CACNA1E: variants seen among roughly 807,000 people sequenced by gnomAD.
CACNA1E encodes calcium voltage-gated channel subunit alpha1 E.
Under a neutral mutation model 259.2 loss-of-function variants are expected in CACNA1E, and 40 were observed. The ratio of observed to expected loss-of-function variants is 0.15; its 90% CI spans 0.12 to 0.20. The LOEUF (loss-of-function observed/expected upper bound fraction) is 0.20, where lower values mean the gene tolerates loss of function less well. Among genes scored for constraint, CACNA1E ranks in the 10% least tolerant of loss-of-function variants. CACNA1E has a pLI of 1.00. For synonymous variants in CACNA1E, 1,104 were observed against 1,138.5 expected (o/e 0.97, Z 0.61); for missense variants, 1,874 against 3,040.1 (o/e 0.62, Z 9.02).
intron 6 of CACNA1E, 45 bp from the exon 7 acceptor site, chr1:181,651,293 G>T: frequency 8.0e-7 from 1 of 1,244,688 alleles, no homozygotes; most frequent in Non-Finnish European, 1.2e-6. Context: ...CTTTACTTAT[G>T]GAAGATGGCT....
In CACNA1E at chr1:181,718,045, A is replaced by C; in HGVS notation, c.1526-10A>C. ...ATGTGGAACCAATGCTCTACTTTTA[A>C]TACTTCCAGACTATGCAGAATTTCT... On this transcript the variant is annotated splice_polypyrimidine_tract_variant and intron_variant, in intron 11 of 47. Coordinates refer to ENST00000367573, the MANE Select transcript of CACNA1E (RefSeq NM_001205293.3). The C allele has an allele frequency of 7.1e-7, 1 of 1,405,138 alleles. No homozygotes were observed. The highest frequency in any genetic ancestry group is 1.2e-5 in the South Asian group (1 of 85,562). The allele number at this position is 1,405,138 out of a possible 1,614,324, so 87.0% of individuals were successfully genotyped here. A position where few individuals can be genotyped will look rare whatever the true frequency, so the allele number is the denominator to read the frequency against.
intron 3 of CACNA1E, among the ~76,000 whole-genome samples, chr1:181,565,202 T>C (rs1049781240): frequency 1.3e-5 from 2 of 152,202 alleles, no homozygotes; most frequent in Admixed American, 1.3e-4. Context: ...CTATATGGAA[T>C]AGGCAAGTGG....
chr1:181,759,162 G>A (rs991273158), intron 32 of CACNA1E, among the ~76,000 whole-genome samples: 1 of 152,212 alleles, frequency 6.6e-6, no homozygotes, highest in African/African-American at 2.4e-5. Context: ...GATGAAGGAG[G>A]AAGCCAAAGA....
chr1:181,773,847 G>T (rs981776164), intron 37 of CACNA1E, among the ~76,000 whole-genome samples: 1 of 152,198 alleles, frequency 6.6e-6, no homozygotes, highest in Non-Finnish European at 1.5e-5. Context: ...GGACCTTAAA[G>T]GTACTTTTGG....
In CACNA1E at chr1:181,781,308, G is replaced by A. The variant is rs1372130607; in HGVS notation, c.5268-119G>A. 3 of 640,298 alleles carry A rather than the reference G, an allele frequency of 4.7e-6. No individual in the cohort carries two copies. In the East Asian group the frequency reaches 8.3e-5, roughly 18 times the overall value. 39.7% of individuals were successfully genotyped at this position (640,298 alleles called of 1,614,324 possible). A position where few individuals can be genotyped will look rare whatever the true frequency, so the allele number is the denominator to read the frequency against. On this transcript the variant is annotated intron_variant, in intron 38 of 47. Transcript: ENST00000367573. ...TATTTTGTTCGTTTTTGCTCTCTGG[G>A]AATGCCTATTCTCCTCTCCTATCTG...
In CACNA1E at chr1:181,752,136, C is replaced by G. The variant is rs1190423000; in HGVS notation, c.3732-7C>G. 10 of 1,606,334 alleles carry G rather than the reference C, an allele frequency of 6.2e-6. No homozygotes were observed. Among genetic ancestry groups the G allele is most frequent in the Non-Finnish European group, 6.0e-6 (7 of 1,172,868 alleles). On this transcript the variant is annotated splice_region_variant and splice_polypyrimidine_tract_variant and intron_variant, in intron 26 of 47. Transcript: ENST00000367573. Reference sequence around the variant, plus strand: ...CATATGATTCCCTGGGGGCCTCTCCCCTGCAGAACCAACAAAGGACGGGAC... The same window carrying G: ...CATATGATTCCCTGGGGGCCTCTCCGCTGCAGAACCAACAAAGGACGGGAC...
rs746390981 is a variant in CACNA1E, at chr1:181,756,910, G to A, written c.4128-15G>A. On this transcript the variant is annotated splice_polypyrimidine_tract_variant and intron_variant, in intron 29 of 47. Transcript: ENST00000367573. Reference sequence around the variant, plus strand: ...TGTCATCCACCATCTGTGCCCTCTTGTTCTGTCCCCATAGAGTTCTGCAGC... The same window carrying A: ...TGTCATCCACCATCTGTGCCCTCTTATTCTGTCCCCATAGAGTTCTGCAGC... The A allele has an allele frequency of 2.5e-6, 4 of 1,590,700 alleles. No individual in the cohort carries two copies. Among genetic ancestry groups the A allele is most frequent in the Non-Finnish European group, 2.6e-6 (3 of 1,158,742 alleles).
At chr1:181,580,549 C>A (rs371506338) in intron 5 of CACNA1E, 46 bp from the exon 6 acceptor site, 69 of 1,575,718 alleles carry the variant, frequency 4.4e-5, no homozygotes, top group Non-Finnish European at 5.4e-5. Flanking sequence ...CCAGCTCATG[C>A]GAAACACCAT....
At chr1:181,753,138 A>AAGTAT (rs201969128) in intron 27 of CACNA1E, among the ~76,000 whole-genome samples, 16,623 of 152,208 alleles carry the variant, frequency 0.11, 956 homozygotes, top group Middle Eastern at 0.16. Flanking sequence ...GTCAAGCCCC[A>AAGTAT]TCTTCAGGGG....
chr1:181,637,851 G>T (rs1481548980), intron 6 of CACNA1E, among the ~76,000 whole-genome samples: 1 of 152,140 alleles, frequency 6.6e-6, no homozygotes, highest in Non-Finnish European at 1.5e-5. Context: ...GGTGGAAAAG[G>T]TAGGAAAGGC....
chr1:181,333,348 C>T (rs1651430618), intron 1 of CACNA1E, among the ~76,000 whole-genome samples: 1 of 152,188 alleles, frequency 6.6e-6, no homozygotes, highest in Admixed American at 6.5e-5. Flanking sequence ...CCTCCAAGCC[C>T]ACACCCATTA....
Position 181,717,093 on chromosome 1 carries a change from G to A in CACNA1E, c.1316G>A (p.Gly439Asp). ...ATTCTTCCTTACTTCTCCCTCTTAG[G>A]CACACCTCTGGCCCGAGCCAGTATC... ...DEHCVDISSV[G>D]TPLARASIKS... Residue 439 changes from glycine (G) to aspartate (D), a missense_variant and splice_region_variant, in exon 11 of 48, where the codon GGC becomes GAC. Around this residue, in one of 14 missense-constraint regions of CACNA1E, gnomAD observed 157 missense variants for 203.5 expected, o/e 0.77. Transcript: ENST00000367573. 2 of 1,613,540 alleles carry A rather than the reference G, an allele frequency of 1.2e-6. No individual in the cohort carries two copies. Among genetic ancestry groups the A allele is most frequent in the Non-Finnish European group, 1.7e-6 (2 of 1,179,478 alleles).
Position 181,637,272 on chromosome 1 carries a change from G to A in CACNA1E, c.952-14066G>A, listed in dbSNP as rs537629056. The stretch of plus-strand genomic sequence containing the variant: ...AGTTCTTTGTGGCAAGATATACCTG[G>A]GAAGGGGTTATTAAGTGATCATCCC... On this transcript the variant is annotated intron_variant, in intron 6 of 47. Coordinates refer to ENST00000367573, the MANE Select transcript of CACNA1E (RefSeq NM_001205293.3). Among the ~76,000 whole-genome samples the A allele has an allele frequency of 1.2e-4, 19 of 152,114 alleles. No individual in the cohort carries two copies. In the East Asian group the frequency reaches 3.5e-3, roughly 28 times the overall value.
At chr1:181,578,851 G>C (rs1001738644) in intron 4 of CACNA1E, among the ~76,000 whole-genome samples, 1 of 152,262 alleles carries the variant, frequency 6.6e-6, no homozygotes, top group Non-Finnish European at 1.5e-5. Flanking sequence ...GTCTGAGATA[G>C]AGTGAATGGG....
At chr1:181,643,853 G>T (rs1462122763) in intron 6 of CACNA1E, among the ~76,000 whole-genome samples, 1 of 152,214 alleles carries the variant, frequency 6.6e-6, no homozygotes, top group Non-Finnish European at 1.5e-5. Context: ...ACCAGAATGT[G>T]TGGGAAGCCT....
intron 26 of CACNA1E, among the ~76,000 whole-genome samples, chr1:181,750,997 A>T (rs1356030717): frequency 6.6e-6 from 1 of 151,908 alleles, no homozygotes; most frequent in Non-Finnish European, 1.5e-5. Context: ...GTAGGGGGGT[A>T]GGTATCGCAG....
intron 30 of CACNA1E, 93 bp from the exon 31 acceptor site, chr1:181,757,854 T>C: frequency 7.1e-7 from 1 of 1,398,686 alleles, no homozygotes; most frequent in South Asian, 1.3e-5. Context: ...CTTTTTCCCA[T>C]TCACCGTCCT....
rs182800804 is a variant in CACNA1E, at chr1:181,712,630, G to A, written c.1171+1561G>A. Among the ~76,000 whole-genome samples, 310 of 152,216 alleles carry A rather than the reference G, an allele frequency of 2.0e-3. 1 individual carries two copies. The highest frequency in any genetic ancestry group is 6.8e-3 in the African/African-American group (283 of 41,518). ...TGTGTGTTGACTATACTTGCATTTC[G>A]CCCTTTCTCCTCCAAGGCTGTTGTG... On this transcript the variant is annotated intron_variant, in intron 8 of 47. Transcript: ENST00000367573.
intron 2 of CACNA1E, among the ~76,000 whole-genome samples, chr1:181,451,708 T>A (rs1225326743): frequency 2.0e-5 from 3 of 146,952 alleles, no homozygotes; most frequent in African/African-American, 7.7e-5. Flanking sequence ...ACAAAAAAAA[T>A]AAAGTCATAG....
Sources: gnomAD v4.1 joint callset for allele counts (sites outside exome capture counted in the v4.1 genomes callset) on GRCh38, gnomAD v4.1.1 for gene constraint, gnomAD v4.1.1 regional missense constraint, MANE v1.5 for transcripts, NCBI Gene and HGNC (gene_info 2026-07-23, HGNC 2026-07-21) for gene names.